The following DLG2 variants were observed in gnomAD, a reference collection of about 807,000 sequenced individuals.
The protein encoded by DLG2 is discs large MAGUK scaffold protein 2.
A neutral mutation model predicts 132.5 loss-of-function variants in DLG2; 45 were observed. That is an observed-to-expected ratio of 0.34 (90% CI 0.27 to 0.44). DLG2 has a LOEUF of 0.44. Ranked by LOEUF, DLG2 falls within the 20% of genes least tolerant of loss-of-function variation. DLG2 has a pLI of 1.00. For synonymous variants in DLG2, 424 were observed against 419.6 expected (o/e 1.01, Z -0.13); for missense variants, 1,045 against 1,196.9 (o/e 0.87, Z 1.87).
intron 7 of DLG2, among the ~76,000 whole-genome samples, chr11:84,274,934 T>A (rs1007013972): frequency 1.3e-5 from 2 of 152,296 alleles, no homozygotes; most frequent in East Asian, 3.9e-4. Context: ...CCCAGCCACA[T>A]GCTTCTTCTC....
chr11:84,416,808 A>G (rs545796078), intron 7 of DLG2, among the ~76,000 whole-genome samples: 2 of 152,342 alleles, frequency 1.3e-5, no homozygotes, highest in South Asian at 4.1e-4. Flanking sequence ...AAAGATTGTT[A>G]TTATCAACAT....
chr11:85,103,664 ATG>A (rs2071240860), intron 6 of DLG2, among the ~76,000 whole-genome samples: 1 of 151,980 alleles, frequency 6.6e-6, no homozygotes, highest in African/African-American at 2.4e-5. Flanking sequence ...ACCTTGGGTT[ATG>A]CCAAGCCTTT....
At chr11:85,336,275 A>T (rs2082124945) in intron 3 of DLG2, 1 of 153,426 alleles carries the variant, frequency 6.5e-6, no homozygotes, top group Non-Finnish European at 1.5e-5. Context: ...TCTGCCCCTT[A>T]TGCCACCACC....
intron 18 of DLG2, among the ~76,000 whole-genome samples, chr11:83,773,525 GTGTT>G (rs2094475337): frequency 6.6e-6 from 1 of 152,196 alleles, no homozygotes; most frequent in African/African-American, 2.4e-5. Flanking sequence ...AACTGAGTGT[GTGTT>G]TGTCTTTAGT....
At chr11:85,175,233 C>T (rs1176072080) in intron 4 of DLG2, among the ~76,000 whole-genome samples, 1 of 152,160 alleles carries the variant, frequency 6.6e-6, no homozygotes, top group Non-Finnish European at 1.5e-5. Flanking sequence ...TACTGGCAAA[C>T]TGAATACAGC....
chr11:84,415,237 G>C (rs1451956127), intron 7 of DLG2, among the ~76,000 whole-genome samples: 1 of 152,182 alleles, frequency 6.6e-6, no homozygotes, highest in Non-Finnish European at 1.5e-5. Context: ...TCTATGGGTA[G>C]AAGAACTATG....
At chr11:84,620,518 T>C (rs1484089294) in intron 6 of DLG2, among the ~76,000 whole-genome samples, 2 of 151,904 alleles carry the variant, frequency 1.3e-5, no homozygotes, top group Non-Finnish European at 2.9e-5. Context: ...TATAAAGAAC[T>C]CTTAAAAATC....
intron 3 of DLG2, among the ~76,000 whole-genome samples, chr11:85,465,148 T>C (rs1187548334): frequency 1.6e-4 from 16 of 98,850 alleles, no homozygotes; most frequent in Non-Finnish European, 3.3e-4. Context: ...CAATATAAGA[T>C]TTTTTTTTTT....
At chr11:85,065,960 T>G (rs1384613380) in intron 6 of DLG2, among the ~76,000 whole-genome samples, 2 of 151,158 alleles carry the variant, frequency 1.3e-5, no homozygotes, top group Non-Finnish European at 3.0e-5. Context: ...AGAATAAAGA[T>G]CAGAGCAGAA....
At position 85,170,472 on chromosome 11, in the gene DLG2, T is replaced by G. The variant is rs144661046; in HGVS notation, c.187-15821A>C. Among the ~76,000 whole-genome samples, 601 of 152,182 alleles carry G rather than the reference T, an allele frequency of 3.9e-3. 7 individuals carry two copies. Among genetic ancestry groups the G allele is most frequent in the African/African-American group, 0.014 (564 of 41,488 alleles). Reference sequence around the variant, plus strand: ...TAATTCTGCTTTCTATGACTCAGCTTGGGCAGGAAAAATAGTGGGGAAAGG... The same window carrying G: ...TAATTCTGCTTTCTATGACTCAGCTGGGGCAGGAAAAATAGTGGGGAAAGG... On this transcript the variant is annotated intron_variant, in intron 4 of 27. Transcript: ENST00000376104.
chr11:84,046,453 A>G (rs1326295270), intron 11 of DLG2, among the ~76,000 whole-genome samples: 2 of 151,584 alleles, frequency 1.3e-5, no homozygotes, highest in Non-Finnish European at 3.0e-5. Context: ...CTCTACTACT[A>G]CTAAAAACTC....
In DLG2 at chr11:84,276,618, A is replaced by T. The variant is rs1244932069; in HGVS notation, c.520-25327T>A. Among the ~76,000 whole-genome samples the T allele has an allele frequency of 5.3e-4, 80 of 152,156 alleles. 2 individuals carry two copies. The highest frequency in any genetic ancestry group is 2.5e-4 in the Non-Finnish European group (17 of 68,032). Reference sequence around the variant, plus strand: ...TATGTATTTTCTTCCTGTTAGCACGATGCTTGATAAGTAATTGCTACCATT... The same window carrying T: ...TATGTATTTTCTTCCTGTTAGCACGTTGCTTGATAAGTAATTGCTACCATT... On this transcript the variant is annotated intron_variant, in intron 7 of 27. Transcript: ENST00000376104.
intron 16 of DLG2, among the ~76,000 whole-genome samples, chr11:83,846,781 T>C (rs1421023856): frequency 2.6e-5 from 4 of 152,134 alleles, no homozygotes; most frequent in Non-Finnish European, 5.9e-5. Context: ...TGGAGTACTT[T>C]CTTATCCACA....
intron 7 of DLG2, among the ~76,000 whole-genome samples, chr11:84,351,064 T>A (rs920958264): frequency 1.1e-4 from 17 of 152,170 alleles, no homozygotes; most frequent in Non-Finnish European, 2.9e-5. Context: ...ACTTTAGATG[T>A]GAGGACAAAC....
chr11:83,663,279 ACTGT>A (rs1186555499), intron 18 of DLG2, among the ~76,000 whole-genome samples: 1 of 152,174 alleles, frequency 6.6e-6, no homozygotes, highest in Non-Finnish European at 1.5e-5. Context: ...AGAGCCCTGG[ACTGT>A]CTAATTCCCA....
chr11:85,430,209 TG>T lies in DLG2; in HGVS notation c.41-144845del, dbSNP rs1331669074. ...GAACATCACACTCTGGGGCCTGTTG[TG>T]GGGAGGGGGGAGGGATAGCATTAGG... On this transcript the variant is annotated intron_variant, in intron 3 of 27. Transcript: ENST00000376104. Among the ~76,000 whole-genome samples the T allele has an allele frequency of 1.5e-4, 9 of 58,872 alleles. No homozygotes were observed. The South Asian group carries it at 3.2e-3, about 21-fold the overall frequency. The allele number at this position is 58,872 out of a possible 152,430, so 38.6% of individuals were successfully genotyped here. A position where few individuals can be genotyped will look rare whatever the true frequency, so the allele number is the denominator to read the frequency against.
At chr11:83,725,951 G>A (rs1042980806) in intron 18 of DLG2, among the ~76,000 whole-genome samples, 3 of 152,068 alleles carry the variant, frequency 2.0e-5, no homozygotes, top group Non-Finnish European at 4.4e-5. Context: ...TGGTCACCAT[G>A]GTAACCACCC....
At chr11:85,031,979 T>G (rs1488187414) in intron 6 of DLG2, among the ~76,000 whole-genome samples, 5 of 148,798 alleles carry the variant, frequency 3.4e-5, no homozygotes, top group African/African-American at 1.2e-4. Context: ...TTTTTGTATT[T>G]TCAGTAGAGG....
chr11:85,407,153 G>C (rs757424363), intron 3 of DLG2, among the ~76,000 whole-genome samples: 3 of 151,866 alleles, frequency 2.0e-5, no homozygotes, highest in Non-Finnish European at 2.9e-5. Context: ...AGTGGAGGTA[G>C]AGGGACCAAA....
Sources: allele counts gnomAD v4.1 joint callset (sites outside exome capture counted in the v4.1 genomes callset), GRCh38; gene constraint gnomAD v4.1.1; transcripts MANE v1.5; gene names NCBI Gene and HGNC (gene_info 2026-07-23, HGNC 2026-07-21).